Variants in DPRX observed in about 807,000 individuals in gnomAD.
DPRX encodes the protein divergent paired-related homeobox.
Under a neutral mutation model 8.4 loss-of-function variants are expected in DPRX, and 11 were observed. That is an observed-to-expected ratio of 1.31 (90% CI 0.82 to 2.17). The LOEUF is 2.17. DPRX is among the 30% of genes most tolerant of loss of function. The pLI is 0.00. For synonymous variants in DPRX, 72 were observed against 87.0 expected (o/e 0.83, Z 0.96); for missense variants, 211 against 236.7 (o/e 0.89, Z 0.71).
chr19:53,619,003 C>T, the DPRX span, among the ~76,000 whole-genome samples: 5 of 151,972 alleles, frequency 3.3e-5, no homozygotes, highest in African/African-American at 9.7e-5. Context: ...ATCCTTGTAA[C>T]AGATTAATCT....
chr19:53,608,096 C>T, the DPRX span, among the ~76,000 whole-genome samples: 5 of 146,996 alleles, frequency 3.4e-5, no homozygotes, highest in East Asian at 1.0e-3. Flanking sequence ...CGCTTGAACC[C>T]GGGAGGCAGA....
the DPRX span, among the ~76,000 whole-genome samples, chr19:53,620,130 C>G: frequency 6.6e-6 from 1 of 151,810 alleles, no homozygotes; most frequent in Non-Finnish European, 1.5e-5. Context: ...AGTGCTATAG[C>G]GTGATCTCGC....
intron 1 of DPRX, among the ~76,000 whole-genome samples, chr19:53,634,073 C>T (rs941084949): frequency 6.6e-6 from 1 of 152,226 alleles, no homozygotes; most frequent in Admixed American, 6.5e-5. Context: ...CCGCTTCAGC[C>T]TCCCACAGTA....
At chr19:53,616,231 A>G in the DPRX span, among the ~76,000 whole-genome samples, 13 of 152,220 alleles carry the variant, frequency 8.5e-5, no homozygotes, top group South Asian at 1.5e-3. Context: ...CAGCCTGGGC[A>G]ACAAGAGTGA....
At chr19:53,611,657 C>T in the DPRX span, among the ~76,000 whole-genome samples, 1 of 152,076 alleles carries the variant, frequency 6.6e-6, no homozygotes, top group Non-Finnish European at 1.5e-5. Flanking sequence ...AAGAATAACA[C>T]GAACACACTT....
chr19:53,601,898 A>G, the DPRX span: 1 of 392,174 alleles, frequency 2.5e-6, no homozygotes, highest in South Asian at 1.9e-5. Flanking sequence ...GTTTTTCGCA[A>G]CTGCCCTTTT....
the DPRX span, among the ~76,000 whole-genome samples, chr19:53,602,402 C>T: frequency 6.6e-6 from 1 of 150,992 alleles, no homozygotes; most frequent in Admixed American, 6.7e-5. Flanking sequence ...TCTTGTTGCC[C>T]AGGATGGAGT....
At chr19:53,611,242 A>G in the DPRX span, among the ~76,000 whole-genome samples, 1 of 151,882 alleles carries the variant, frequency 6.6e-6, no homozygotes, top group Non-Finnish European at 1.5e-5. Context: ...TCCTTTTTGC[A>G]AGACAAAAAG....
chr19:53,601,307 T>A, the DPRX span: 1 of 456,408 alleles, frequency 2.2e-6, no homozygotes, highest in South Asian at 1.5e-5. Flanking sequence ...GTCTCAGTGG[T>A]CATCTGCATC....
chr19:53,614,653 A>C, the DPRX span, among the ~76,000 whole-genome samples: 1 of 152,180 alleles, frequency 6.6e-6, no homozygotes, highest in African/African-American at 2.4e-5. Flanking sequence ...AGTCTAATTT[A>C]TATATTTTCT....
chr19:53,623,077 G>A, the DPRX span, among the ~76,000 whole-genome samples: 10 of 71,098 alleles, frequency 1.4e-4, no homozygotes, highest in African/African-American at 2.3e-4. Context: ...AGGCTGAGGC[G>A]GGCGGATCAC....
chr19:53,623,320 AAT>A, the DPRX span, among the ~76,000 whole-genome samples: 2 of 147,330 alleles, frequency 1.4e-5, no homozygotes, highest in Admixed American at 1.4e-4. Context: ...AAAATAAATA[AAT>A]AAATAAATAA....
At chr19:53,626,721 G>A in the DPRX span, among the ~76,000 whole-genome samples, 7 of 152,092 alleles carry the variant, frequency 4.6e-5, no homozygotes, top group African/African-American at 1.7e-4. Context: ...CACTCTGTTC[G>A]ACATCTTTTT....
Position 53,636,963 on chromosome 19 carries a change from C to G in DPRX, c.551C>G (p.Ser184Ter). The change falls in exon 3 of 3, where the codon TCA (serine) becomes TGA (stop). Residue 184 changes from serine to a stop codon, truncating the protein, a stop_gained. Coordinates refer to ENST00000376650, the Ensembl canonical transcript of DPRX. LOFTEE classifies it low-confidence loss of function (END_TRUNC). ...TTCCATTCTGGCTCTCCTGCCTGTT[C>G]ATCTAACCAAAGTCGAGAGAGATGA... 6.2e-7 allele frequency: 1 copy of G among 1,607,556 alleles called. No homozygotes were observed. Among genetic ancestry groups the G allele is most frequent in the Non-Finnish European group, 8.5e-7 (1 of 1,175,592 alleles).
At chr19:53,614,666 A>G in the DPRX span, among the ~76,000 whole-genome samples, 3 of 152,132 alleles carry the variant, frequency 2.0e-5, no homozygotes, top group Non-Finnish European at 4.4e-5. Flanking sequence ...TATTTTCTTC[A>G]TTGTAAAAAT....
the DPRX span, among the ~76,000 whole-genome samples, chr19:53,621,741 G>T: frequency 7.9e-5 from 12 of 151,836 alleles, no homozygotes; most frequent in Admixed American, 1.3e-4. Flanking sequence ...TCAAGATCAC[G>T]CCACTGCACT....
At chr19:53,625,457 G>C in the DPRX span, among the ~76,000 whole-genome samples, 1 of 151,998 alleles carries the variant, frequency 6.6e-6, no homozygotes, top group African/African-American at 2.4e-5. Context: ...CTGCTACCCT[G>C]CTACCGCGTC....
the DPRX span, among the ~76,000 whole-genome samples, chr19:53,619,111 T>C: frequency 6.6e-6 from 1 of 152,216 alleles, no homozygotes; most frequent in East Asian, 1.9e-4. Flanking sequence ...GACACTAACT[T>C]AATTTGGGTT....
At chr19:53,620,449 G>A in the DPRX span, among the ~76,000 whole-genome samples, 3 of 151,720 alleles carry the variant, frequency 2.0e-5, no homozygotes, top group Admixed American at 1.3e-4. Flanking sequence ...TGCAACCTCT[G>A]CCCCCTGGGT....
Sources: gnomAD v4.1 joint callset for allele counts (sites outside exome capture counted in the v4.1 genomes callset) on GRCh38, gnomAD v4.1.1 for gene constraint, MANE v1.5 for transcripts, NCBI Gene and HGNC (gene_info 2026-07-23, HGNC 2026-07-21) for gene names.